FBXO36: variants seen among roughly 807,000 people sequenced by gnomAD.
The protein encoded by FBXO36 is F-box only protein 36.
A neutral mutation model predicts 17.0 loss-of-function variants in FBXO36; 18 were observed. The observed-to-expected ratio is 1.06, with a 90% CI of 0.73 to 1.57. FBXO36 has a LOEUF of 1.57. FBXO36 is among the 40% of genes most tolerant of loss of function. The probability of loss-of-function intolerance (pLI) is 0.00; values close to 1 mark genes in which losing one functional copy is unlikely to be tolerated. For missense variants in FBXO36, 229 were observed against 221.9 expected (o/e 1.03, Z -0.20); for synonymous variants, 83 against 85.3 (o/e 0.97, Z 0.15).
At chr2:230,008,944 G>A (rs1202453269) in intron 3 of FBXO36, among the ~76,000 whole-genome samples, 1 of 152,166 alleles carries the variant, frequency 6.6e-6, no homozygotes, top group African/African-American at 2.4e-5. Context: ...ACCATTATGT[G>A]ACTATAATAG....
intron 2 of FBXO36, among the ~76,000 whole-genome samples, chr2:229,989,704 G>A (rs1332335177): frequency 2.0e-5 from 3 of 151,300 alleles, no homozygotes; most frequent in African/African-American, 7.3e-5. Context: ...GGGATTACAG[G>A]CACCCACCAC....
chr2:229,996,919 C>A lies in FBXO36; in HGVS notation c.374C>A (p.Ala125Glu). 6.2e-7 allele frequency: 1 copy of A among 1,611,668 alleles called. No homozygotes were observed. Among genetic ancestry groups the A allele is most frequent in the South Asian group, 1.1e-5 (1 of 90,154 alleles). The change falls in exon 3 of 4, where the codon GCA becomes GAA. Residue 125 changes from alanine (A) to glutamate (E), a missense_variant. Coordinates refer to ENST00000283946, the MANE Select transcript of FBXO36 (RefSeq NM_174899.5). ...ARLCQTSHRF[A>E]KLCMSDKLWE... ...CTTTGTCAAACATCACACAGATTTG[C>A]AAAGGTAACGGTCAATTATTTTATG...
intron 2 of FBXO36, among the ~76,000 whole-genome samples, chr2:229,989,136 G>T (rs943923695): frequency 2.0e-5 from 3 of 152,148 alleles, no homozygotes; most frequent in African/African-American, 7.2e-5. Context: ...GGTATATAAA[G>T]AAATGATACT....
chr2:229,978,977 G>A (rs1041590964), intron 2 of FBXO36, among the ~76,000 whole-genome samples: 6 of 151,946 alleles, frequency 3.9e-5, no homozygotes, highest in Non-Finnish European at 5.9e-5. Flanking sequence ...AGGAGTTTGA[G>A]ACCAGCCTGG....
chr2:230,007,602 A>C (rs1413645949), intron 3 of FBXO36, among the ~76,000 whole-genome samples: 1 of 150,034 alleles, frequency 6.7e-6, no homozygotes, highest in Non-Finnish European at 1.5e-5. Context: ...TTGGTCCAAC[A>C]ATTTTCTTTT....
intron 1 of FBXO36, among the ~76,000 whole-genome samples, chr2:229,971,735 C>T (rs1237932350): frequency 2.0e-5 from 3 of 151,832 alleles, no homozygotes; most frequent in African/African-American, 7.3e-5. Flanking sequence ...TTCACCCATG[C>T]TAGAGTGCAG....
At chr2:229,964,295 G>C (rs889330080) in intron 1 of FBXO36, among the ~76,000 whole-genome samples, 1 of 152,080 alleles carries the variant, frequency 6.6e-6, no homozygotes, top group Non-Finnish European at 1.5e-5. Context: ...TCATTATCAA[G>C]ATACAGACTA....
chr2:229,958,366 G>GT (rs1316040379), intron 1 of FBXO36, among the ~76,000 whole-genome samples: 2 of 150,234 alleles, frequency 1.3e-5, no homozygotes, highest in African/African-American at 4.9e-5. Flanking sequence ...CACCTCCTGG[G>GT]TTCAAGCAAT....
At chr2:229,992,383 C>T (rs2077302328) in intron 2 of FBXO36, among the ~76,000 whole-genome samples, 1 of 152,130 alleles carries the variant, frequency 6.6e-6, no homozygotes, top group African/African-American at 2.4e-5. Flanking sequence ...GTCTCGAACT[C>T]CTGACCCCAA....
At chr2:229,979,279 C>G (rs865948923) in intron 2 of FBXO36, among the ~76,000 whole-genome samples, 26 of 151,812 alleles carry the variant, frequency 1.7e-4, no homozygotes, top group African/African-American at 5.8e-4. Context: ...GGGAGGATTT[C>G]TTGAGCCCAG....
intron 1 of FBXO36, among the ~76,000 whole-genome samples, chr2:229,925,747 C>T (rs1400220571): frequency 6.6e-6 from 1 of 152,080 alleles, no homozygotes; most frequent in Non-Finnish European, 1.5e-5. Flanking sequence ...TGACATAGTC[C>T]AGAATATAAA....
At chr2:229,950,774 T>TGA (rs2077053628) in intron 1 of FBXO36, among the ~76,000 whole-genome samples, 1 of 91,844 alleles carries the variant, frequency 1.1e-5, no homozygotes, top group Non-Finnish European at 2.4e-5. Context: ...TTTTTTTTTT[T>TGA]GAGACAGAGT....
At chr2:229,989,390 T>A (rs1194532629) in intron 2 of FBXO36, among the ~76,000 whole-genome samples, 1 of 152,178 alleles carries the variant, frequency 6.6e-6, no homozygotes, top group Non-Finnish European at 1.5e-5. Context: ...CCTGAGTAGC[T>A]GGGATTACAG....
intron 2 of FBXO36, among the ~76,000 whole-genome samples, chr2:229,993,302 G>A (rs2077307161): frequency 6.6e-6 from 1 of 152,118 alleles, no homozygotes; most frequent in Non-Finnish European, 1.5e-5. Flanking sequence ...AGGAAACACT[G>A]GTCATTTATT....
chr2:230,000,476 T>C (rs2077352550), intron 3 of FBXO36, among the ~76,000 whole-genome samples: 1 of 152,018 alleles, frequency 6.6e-6, no homozygotes, highest in Admixed American at 6.6e-5. Context: ...TCTGCGCTGT[T>C]GCAGGGCCTG....
intron 2 of FBXO36, among the ~76,000 whole-genome samples, chr2:229,992,607 C>T (rs1329009895): frequency 6.6e-6 from 1 of 152,222 alleles, no homozygotes; most frequent in Non-Finnish European, 1.5e-5. Flanking sequence ...GCCACTCTTA[C>T]ATTTTAGGTT....
At chr2:229,991,979 G>A (rs962853701) in intron 2 of FBXO36, among the ~76,000 whole-genome samples, 1 of 152,148 alleles carries the variant, frequency 6.6e-6, no homozygotes, top group Non-Finnish European at 1.5e-5. Flanking sequence ...AGCTGAAGAG[G>A]CAGAGAATGT....
Position 230,010,604 on chromosome 2 carries a change from A to G in FBXO36, c.379-92A>G, listed in dbSNP as rs1199639649. The G allele has an allele frequency of 5.2e-6, 6 of 1,158,614 alleles. No individual in the cohort carries two copies. In the Admixed American group the frequency reaches 8.1e-5, roughly 16 times the overall value. 71.8% of individuals were successfully genotyped at this position (1,158,614 alleles called of 1,614,324 possible). A position where few individuals can be genotyped will look rare whatever the true frequency, so the allele number is the denominator to read the frequency against. On this transcript the variant is annotated intron_variant, in intron 3 of 3. Transcript: ENST00000283946. ...GGCAGGACCTGTGTCTGGCACAGGT[A>G]GTGTTTCTCCAGTGTCCCACAGGCA...
At chr2:229,983,331 C>T (rs1213665096) in intron 2 of FBXO36, among the ~76,000 whole-genome samples, 1 of 151,824 alleles carries the variant, frequency 6.6e-6, no homozygotes, top group Non-Finnish European at 1.5e-5. Flanking sequence ...GCCAAGATTA[C>T]ACCATTGCAC....
Sources: gnomAD v4.1 joint callset for allele counts (sites outside exome capture counted in the v4.1 genomes callset) on GRCh38, gnomAD v4.1.1 for gene constraint, MANE v1.5 for transcripts, NCBI Gene and HGNC (gene_info 2026-07-23, HGNC 2026-07-21) for gene names.